The following NCALD variants were observed in gnomAD, a reference collection of about 807,000 sequenced individuals.
NCALD encodes neurocalcin-delta.
Under a neutral mutation model 18.6 loss-of-function variants are expected in NCALD, and 10 were observed. The ratio of observed to expected loss-of-function variants is 0.54; its 90% CI spans 0.33 to 0.91. NCALD has a LOEUF of 0.91. NCALD is among the 40% of genes least tolerant of loss of function. The pLI is 0.03. For synonymous variants in NCALD, 88 were observed against 87.4 expected (o/e 1.01, Z -0.04); for missense variants, 184 against 247.6 (o/e 0.74, Z 1.72).
At chr8:101,766,929 A>G (rs183003382) in intron 1 of NCALD, among the ~76,000 whole-genome samples, 1 of 152,098 alleles carries the variant, frequency 6.6e-6, no homozygotes, top group Non-Finnish European at 1.5e-5. Context: ...TAATATACAC[A>G]CTCCTGTTTA....
chr8:101,905,301 C>G (rs1173072237), intron 3 of NCALD, among the ~76,000 whole-genome samples: 1 of 150,556 alleles, frequency 6.6e-6, no homozygotes, highest in African/African-American at 2.5e-5. Context: ...CTCTCTCTCT[C>G]TGGTGTATTT....
chr8:101,790,666 T>G (rs1174405754), intron 1 of NCALD, among the ~76,000 whole-genome samples, 196 bp downstream of exon 1: 4 of 152,128 alleles, frequency 2.6e-5, no homozygotes, highest in African/African-American at 9.7e-5. Flanking sequence ...TTAACCTACT[T>G]CACAAAACAT....
chr8:101,842,622 G>A (rs751091243), intron 4 of NCALD, among the ~76,000 whole-genome samples: 1 of 152,250 alleles, frequency 6.6e-6, no homozygotes, highest in Non-Finnish European at 1.5e-5. Flanking sequence ...GGAAGACAGG[G>A]AAGGGGGCTG....
At chr8:102,096,598 AG>A (rs1662124499) in intron 1 of NCALD, among the ~76,000 whole-genome samples, 3 of 152,246 alleles carry the variant, frequency 2.0e-5, no homozygotes, top group Admixed American at 6.5e-5. Flanking sequence ...ACATTTGCAT[AG>A]GAGTGTGACC....
intron 2 of NCALD, among the ~76,000 whole-genome samples, chr8:102,011,159 A>G (rs1821890911): frequency 6.6e-6 from 1 of 152,046 alleles, no homozygotes; most frequent in South Asian, 2.1e-4. Context: ...CTACCCATCC[A>G]CCATATCCAT....
intron 3 of NCALD, among the ~76,000 whole-genome samples, chr8:101,904,710 T>A (rs890728227): frequency 6.6e-6 from 1 of 152,218 alleles, no homozygotes; most frequent in Non-Finnish European, 1.5e-5. Context: ...ATTATTTTCA[T>A]CACTCTTCCT....
chr8:101,937,887 T>C (rs763134465), intron 2 of NCALD, among the ~76,000 whole-genome samples: 7 of 152,166 alleles, frequency 4.6e-5, no homozygotes, highest in Admixed American at 1.3e-4. Flanking sequence ...ACAAACAGAA[T>C]GTTGTCCTGG....
rs556471248 is a variant in NCALD at position 102,021,570 on chromosome 8, A to G, written c.-209-1281T>C. On this transcript the variant is annotated intron_variant, in intron 1 of 6. Coordinates refer to the NCALD transcript ENST00000311028. ...TCCAGAACCACAGTATTAACAGGGTACCAGGCTGAGGTGGGTGGGGGTCAA... is the reference window on the plus strand; with the variant it reads ...TCCAGAACCACAGTATTAACAGGGTGCCAGGCTGAGGTGGGTGGGGGTCAA... 3.3e-5 allele frequency among the ~76,000 whole-genome samples: 5 copies of G among 152,322 alleles called. No individual in the cohort carries two copies. In the South Asian group the frequency reaches 1.0e-3, roughly 32 times the overall value.
chr8:101,706,358 T>C (rs1358426331), intron 2 of NCALD, among the ~76,000 whole-genome samples: 2 of 151,552 alleles, frequency 1.3e-5, no homozygotes, highest in Non-Finnish European at 2.9e-5. Context: ...TGGGCAATGA[T>C]GAATTTGTTT....
intron 1 of NCALD, among the ~76,000 whole-genome samples, chr8:101,780,668 A>T (rs1811975700): frequency 6.6e-6 from 1 of 152,156 alleles, no homozygotes; most frequent in Admixed American, 6.5e-5. Context: ...CAACAATGCG[A>T]ATGTACTTAG....
At chr8:101,766,120 G>A (rs373459617) in intron 1 of NCALD, among the ~76,000 whole-genome samples, 1 of 151,928 alleles carries the variant, frequency 6.6e-6, no homozygotes, top group African/African-American at 2.4e-5. Flanking sequence ...GTTTCTTTTT[G>A]GACAAAATAG....
At chr8:101,793,132 CA>C (rs1812507011), upstream of NCALD, among the ~76,000 whole-genome samples, 2 of 152,088 alleles carry the variant, frequency 1.3e-5, no homozygotes, top group South Asian at 4.2e-4. Context: ...CGGTGGATCA[CA>C]AGGTCAGGAG....
At chr8:101,705,397 C>A (rs1052529998) in intron 2 of NCALD, among the ~76,000 whole-genome samples, 4 of 152,080 alleles carry the variant, frequency 2.6e-5, no homozygotes, top group African/African-American at 9.7e-5. Flanking sequence ...TGGGGAAGGA[C>A]CTGATCGGAG....
intron 2 of NCALD, among the ~76,000 whole-genome samples, chr8:101,978,282 G>C (rs184334067): frequency 1.3e-5 from 2 of 152,214 alleles, no homozygotes; most frequent in South Asian, 2.1e-4. Flanking sequence ...TGGCAATTAA[G>C]AGCACTTGTA....
chr8:101,998,073 T>A (rs1464522020), intron 2 of NCALD, among the ~76,000 whole-genome samples: 2 of 152,056 alleles, frequency 1.3e-5, no homozygotes, highest in African/African-American at 4.8e-5. Context: ...GTGCCATCCC[T>A]CCAGGCCCCT....
At chr8:102,053,155 G>C (rs538121840) in intron 1 of NCALD, among the ~76,000 whole-genome samples, 1 of 152,190 alleles carries the variant, frequency 6.6e-6, no homozygotes, top group East Asian at 1.9e-4. Context: ...GAAACTCTTT[G>C]TCTGTATGTT....
At chr8:101,801,612 G>A (rs1237720688) in intron 4 of NCALD, among the ~76,000 whole-genome samples, 2 of 123,234 alleles carry the variant, frequency 1.6e-5, no homozygotes, top group Non-Finnish European at 3.3e-5. Context: ...ATGGGTTAAA[G>A]CCACATCTCT....
At chr8:101,857,396 A>G (rs1459157391) in intron 4 of NCALD, among the ~76,000 whole-genome samples, 3 of 152,212 alleles carry the variant, frequency 2.0e-5, no homozygotes, top group Non-Finnish European at 2.9e-5. Context: ...AGATGTGCAT[A>G]TCTACTCACT....
At chr8:101,919,977 C>T (rs1818107171) in intron 2 of NCALD, among the ~76,000 whole-genome samples, 1 of 152,136 alleles carries the variant, frequency 6.6e-6, no homozygotes, top group Non-Finnish European at 1.5e-5. Context: ...CAGTTTGGGG[C>T]TGGGCGTGGT....
Sources: gnomAD v4.1 joint callset for allele counts (sites outside exome capture counted in the v4.1 genomes callset) on GRCh38, gnomAD v4.1.1 for gene constraint, MANE v1.5 for transcripts, NCBI Gene and HGNC (gene_info 2026-07-23, HGNC 2026-07-21) for gene names.